The following CCDC144A variants were observed in gnomAD, a reference collection of about 807,000 sequenced individuals.
CCDC144A encodes the protein coiled-coil domain-containing protein 144A.
In CCDC144A, 41 loss-of-function variants were observed where a neutral mutation model predicts 143.8. The ratio of observed to expected loss-of-function variants is 0.29; its 90% CI spans 0.22 to 0.37. The LOEUF is 0.37. CCDC144A is among the 10% of genes least tolerant of loss of function. The pLI is 1.00. For missense variants in CCDC144A, 637 were observed against 1,488.8 expected (o/e 0.43, Z 9.41); for synonymous variants, 242 against 517.9 (o/e 0.47, Z 7.23).
At chr17:16,688,974 C>G (rs1910892194), upstream of CCDC144A, among the ~76,000 whole-genome samples, 1 of 152,142 alleles carries the variant, frequency 6.6e-6, no homozygotes, top group African/African-American at 2.4e-5. Context: ...TTGCAATACT[C>G]ATCTCAGTGA....
At chr17:16,671,566 C>T in the CCDC144A span, among the ~76,000 whole-genome samples, 1 of 151,926 alleles carries the variant, frequency 6.6e-6, no homozygotes, top group Non-Finnish European at 1.5e-5. Context: ...CACACACACA[C>T]ACAAACACTC....
At chr17:16,757,211 C>T (rs1597588269) in intron 12 of CCDC144A, among the ~76,000 whole-genome samples, 2 of 152,256 alleles carry the variant, frequency 1.3e-5, no homozygotes, top group East Asian at 3.8e-4. Context: ...GGGGGCCGGA[C>T]CTTGGATCCC....
At chr17:16,695,822 A>G (rs1911365249) in intron 2 of CCDC144A, among the ~76,000 whole-genome samples, 1 of 152,308 alleles carries the variant, frequency 6.6e-6, no homozygotes, top group Admixed American at 6.5e-5. Context: ...ATGAAGAGTG[A>G]GTAGAACTTT....
intron 2 of CCDC144A, among the ~76,000 whole-genome samples, chr17:16,703,680 G>A (rs187664606): frequency 8.6e-5 from 13 of 151,838 alleles, no homozygotes; most frequent in Non-Finnish European, 7.4e-5. Flanking sequence ...GGAGGGCACC[G>A]GTAGTCCCAG....
At chr17:16,710,283 T>G (rs1597545591) in intron 5 of CCDC144A, 2 of 155,610 alleles carry the variant, frequency 1.3e-5, no homozygotes, top group South Asian at 3.9e-4. Flanking sequence ...AAGTAACTCC[T>G]GTGCTGATCA....
upstream of CCDC144A, among the ~76,000 whole-genome samples, chr17:16,685,684 A>T (rs1910753275): frequency 6.6e-6 from 1 of 151,868 alleles, no homozygotes. Context: ...TAAATAGGAC[A>T]AATGAAAAAG....
Sources: gnomAD v4.1 joint callset for allele counts (sites outside exome capture counted in the v4.1 genomes callset) on GRCh38, gnomAD v4.1.1 for gene constraint, MANE v1.5 for transcripts, NCBI Gene and HGNC (gene_info 2026-07-23, HGNC 2026-07-21) for gene names.